The following PCDHA10 variants were observed in gnomAD, a reference collection of about 807,000 sequenced individuals.
The protein encoded by PCDHA10 is protocadherin alpha 10.
PCDHA10 carries 45 observed loss-of-function variants against 61.2 expected under a neutral mutation model. The observed-to-expected ratio is 0.74, with a 90% CI of 0.58 to 0.94. PCDHA10 has a LOEUF of 0.94. Ranked by LOEUF, PCDHA10 falls within the 40% of genes least tolerant of loss-of-function variation. The pLI is 0.00. For missense variants in PCDHA10, 1,278 were observed against 1,236.2 expected, an observed-to-expected ratio of 1.03 and a Z score of -0.51; for synonymous variants, 602 against 548.8, an observed-to-expected ratio of 1.10 and a Z score of -1.35.
chr5:140,871,452 G>C, intron 1 of PCDHA10: 1 of 1,608,608 alleles, frequency 6.2e-7, no homozygotes, highest in Non-Finnish European at 8.5e-7. Context: ...ATAAAGAGGA[G>C]GAAGGGGAAA....
intron 1 of PCDHA10, among the ~76,000 whole-genome samples, chr5:140,918,303 G>C (rs2078625601): frequency 6.6e-6 from 1 of 152,112 alleles, no homozygotes; most frequent in Non-Finnish European, 1.5e-5. Flanking sequence ...AGAATATAGG[G>C]TTTTCTAGGT....
intron 1 of PCDHA10, among the ~76,000 whole-genome samples, chr5:140,973,059 A>G (rs2096570291): frequency 6.6e-6 from 1 of 152,062 alleles, no homozygotes; most frequent in African/African-American, 2.4e-5. Context: ...TTTGTCCAAC[A>G]GTGTCTCAGT....
intron 3 of PCDHA10, among the ~76,000 whole-genome samples, chr5:140,990,780 GACGATGA>G (rs1554251732): frequency 6.6e-6 from 1 of 152,192 alleles, no homozygotes; most frequent in Non-Finnish European, 1.5e-5. Flanking sequence ...CTCTGTGTTG[GACGATGA>G]ACCATGGAAT....
At chr5:140,875,654 C>G in intron 1 of PCDHA10, 2 of 1,613,702 alleles carry the variant, frequency 1.2e-6, no homozygotes, top group Non-Finnish European at 8.5e-7. Flanking sequence ...GAGCTGGTGC[C>G]GCGCCTGTTC....
chr5:141,008,633 A>G (rs1212403774), intron 3 of PCDHA10, among the ~76,000 whole-genome samples: 1 of 152,212 alleles, frequency 6.6e-6, no homozygotes, highest in African/African-American at 2.4e-5. Context: ...AGTATAATTA[A>G]CAATTTCTTC....
At chr5:140,879,483 T>C (rs2153367251) in intron 1 of PCDHA10, among the ~76,000 whole-genome samples, 1 of 152,292 alleles carries the variant, frequency 6.6e-6, no homozygotes, top group Non-Finnish European at 1.5e-5. Context: ...TGATTGGAAA[T>C]ATGGGTCTGG....
intron 1 of PCDHA10, among the ~76,000 whole-genome samples, chr5:140,904,015 AT>A (rs1171166257): frequency 6.6e-6 from 1 of 152,234 alleles, no homozygotes; most frequent in Non-Finnish European, 1.5e-5. Flanking sequence ...ACTTTAAAAA[AT>A]AATGGTATAA....
intron 1 of PCDHA10, chr5:140,862,344 G>C (rs1303625702): frequency 3.0e-6 from 1 of 333,098 alleles, no homozygotes; most frequent in Non-Finnish European, 5.9e-6. Flanking sequence ...CCTAACTTCA[G>C]TGCCAAGGGA....
intron 3 of PCDHA10, among the ~76,000 whole-genome samples, chr5:140,991,620 T>C (rs2097462467): frequency 6.6e-6 from 1 of 152,212 alleles, no homozygotes; most frequent in Non-Finnish European, 1.5e-5. Flanking sequence ...TTTAATGCCA[T>C]ATTTGTAATA....
chr5:140,990,055 C>T (rs1563562429), intron 3 of PCDHA10, among the ~76,000 whole-genome samples: 2 of 151,866 alleles, frequency 1.3e-5, no homozygotes, highest in Non-Finnish European at 1.5e-5. Context: ...GATGGTAATA[C>T]TTAAAGGAAA....
At chr5:140,977,356 TA>T (rs2096758024) in intron 1 of PCDHA10, among the ~76,000 whole-genome samples, 1 of 152,250 alleles carries the variant, frequency 6.6e-6, no homozygotes, top group South Asian at 2.1e-4. Flanking sequence ...GACTGATTGA[TA>T]AAAAGTATTT....
intron 1 of PCDHA10, chr5:140,875,973 T>C (rs782725100): frequency 6.2e-7 from 1 of 1,614,042 alleles, no homozygotes; most frequent in Non-Finnish European, 8.5e-7. Context: ...TAAACTCTCT[T>C]TTGACCTATG....
intron 1 of PCDHA10, among the ~76,000 whole-genome samples, chr5:140,971,573 CT>C (rs1203027280): frequency 6.6e-6 from 1 of 152,110 alleles, no homozygotes; most frequent in African/African-American, 2.4e-5. Flanking sequence ...GTTGGGCTTT[CT>C]TTTTTTCCTA....
At chr5:140,948,395 T>C (rs1317288202) in intron 1 of PCDHA10, among the ~76,000 whole-genome samples, 1 of 151,580 alleles carries the variant, frequency 6.6e-6, no homozygotes, top group African/African-American at 2.4e-5. Context: ...TTCTGAAAGG[T>C]TGTGTAATAT....
intron 3 of PCDHA10, among the ~76,000 whole-genome samples, chr5:140,994,802 C>T (rs541054161): frequency 7.9e-5 from 12 of 152,066 alleles, no homozygotes; most frequent in Non-Finnish European, 1.6e-4. Flanking sequence ...CATGCAAAAA[C>T]AAAATACAAA....
At chr5:140,983,272 G>A (rs2097037556) in intron 3 of PCDHA10, among the ~76,000 whole-genome samples, 1 of 152,176 alleles carries the variant, frequency 6.6e-6, no homozygotes, top group African/African-American at 2.4e-5. Context: ...TAATGGCTGG[G>A]TGAGTATAGG....
chr5:140,867,947 C>T (rs1197822100), intron 1 of PCDHA10: 3 of 152,114 alleles, frequency 2.0e-5, no homozygotes, highest in East Asian at 1.9e-4. Context: ...TGAACTTCTG[C>T]TCCCAAACCC....
At chr5:140,896,451 C>T (rs1173407136) in intron 1 of PCDHA10, among the ~76,000 whole-genome samples, 1 of 152,112 alleles carries the variant, frequency 6.6e-6, no homozygotes, top group Non-Finnish European at 1.5e-5. Flanking sequence ...CAACCTCCAC[C>T]TCCTGGGTTC....
chr5:140,868,238 C>T (rs1413759486), intron 1 of PCDHA10: 6 of 151,984 alleles, frequency 3.9e-5, no homozygotes, highest in African/African-American at 7.2e-5. Flanking sequence ...TCATCTAGAT[C>T]AATAGACTTT....
Sources: allele counts gnomAD v4.1 joint callset (sites outside exome capture counted in the v4.1 genomes callset), GRCh38; gene constraint gnomAD v4.1.1; transcripts MANE v1.5; gene names NCBI Gene and HGNC (gene_info 2026-07-23, HGNC 2026-07-21).